The following HNF4G variants were observed in gnomAD, a reference collection of about 807,000 sequenced individuals.
HNF4G encodes the protein hepatocyte nuclear factor 4-gamma.
A neutral mutation model predicts 50.9 loss-of-function variants in HNF4G; 21 were observed. The observed-to-expected ratio is 0.41, with a 90% CI of 0.29 to 0.59. HNF4G has a LOEUF of 0.59. HNF4G is among the 20% of genes least tolerant of loss of function. The pLI is 0.26. For synonymous variants in HNF4G, 198 were observed against 185.6 expected (o/e 1.07, Z -0.54); for missense variants, 527 against 559.4 (o/e 0.94, Z 0.58).
intron 1 of HNF4G, among the ~76,000 whole-genome samples, chr8:75,415,660 A>T (rs1413800192): frequency 6.6e-6 from 1 of 152,180 alleles, no homozygotes; most frequent in South Asian, 2.1e-4. Context: ...AATTTGCTTT[A>T]GTCCTGTGAC....
chr8:75,565,929 T>G lies in HNF4G; in HGVS notation c.*1833T>G, dbSNP rs547030346. 6.6e-6 allele frequency: 1 copy of G among 152,304 alleles called. No homozygotes were observed. Among genetic ancestry groups the G allele is most frequent in the East Asian group, 1.9e-4 (1 of 5,184 alleles). 9.4% of individuals were successfully genotyped at this position (152,304 alleles called of 1,614,324 possible). A position where few individuals can be genotyped will look rare whatever the true frequency, so the allele number is the denominator to read the frequency against. Reference sequence around the variant, plus strand: ...GGGGAGTTTTTTAACTCTTATTTTTTGAAAATTTACTGTAGCTTCTATTTC... The same window carrying G: ...GGGGAGTTTTTTAACTCTTATTTTTGGAAAATTTACTGTAGCTTCTATTTC... On this transcript the variant is annotated 3_prime_UTR_variant, in exon 10 of 10. Transcript: ENST00000396423.
intron 1 of HNF4G, among the ~76,000 whole-genome samples, chr8:75,431,325 T>C (rs1232455254): frequency 6.6e-6 from 1 of 152,142 alleles, no homozygotes; most frequent in African/African-American, 2.4e-5. Flanking sequence ...ACTTTTAGGA[T>C]TGATGAAAGA....
intron 2 of HNF4G, among the ~76,000 whole-genome samples, chr8:75,532,541 C>T (rs1806357533): frequency 6.6e-6 from 1 of 152,046 alleles, no homozygotes; most frequent in Admixed American, 6.6e-5. Context: ...GCTTCCCAAA[C>T]ATTACCTCTT....
chr8:75,429,795 G>C (rs933164867), intron 1 of HNF4G, among the ~76,000 whole-genome samples: 4 of 152,142 alleles, frequency 2.6e-5, no homozygotes, highest in Non-Finnish European at 4.4e-5. Flanking sequence ...AAACCCCATA[G>C]TTATCCTTTC....
chr8:75,563,169 A>G (rs1318036366), intron 9 of HNF4G, among the ~76,000 whole-genome samples: 1 of 152,148 alleles, frequency 6.6e-6, no homozygotes, highest in Non-Finnish European at 1.5e-5. Flanking sequence ...ATGTGGAATA[A>G]TACAATAACA....
intron 1 of HNF4G, among the ~76,000 whole-genome samples, chr8:75,454,859 AG>A (rs1720276815): frequency 6.6e-6 from 1 of 152,212 alleles, no homozygotes; most frequent in African/African-American, 2.4e-5. Flanking sequence ...TGCTGAGAAG[AG>A]TACCTAGCCT....
Position 75,445,752 on chromosome 8 carries a change from G to C in HNF4G, c.-144+37590G>C, listed in dbSNP as rs375940322. Among the ~76,000 whole-genome samples the C allele has an allele frequency of 7.0e-3, 1,014 of 144,578 alleles. 14 individuals are homozygous for C. The highest frequency in any genetic ancestry group is 0.025 in the African/African-American group (951 of 37,378). 94.8% of individuals were successfully genotyped at this position (144,578 alleles called of 152,430 possible). ...CAGGAAGAAGTTGAATCTCTGAATA[G>C]ACCAATAACAGGAGCTGAAATTGTG... On this transcript the variant is annotated intron_variant, in intron 1 of 10. Coordinates refer to the HNF4G transcript ENST00000354370.
chr8:75,454,086 C>T (rs1563513223), intron 1 of HNF4G, among the ~76,000 whole-genome samples: 1 of 148,194 alleles, frequency 6.7e-6, no homozygotes, highest in African/African-American at 2.5e-5. Context: ...TCCCTCCCTC[C>T]CTCCCTCTCT....
chr8:75,518,567 C>T (rs970771558), intron 2 of HNF4G, among the ~76,000 whole-genome samples: 1 of 152,156 alleles, frequency 6.6e-6, no homozygotes, highest in Admixed American at 6.5e-5. Context: ...CAATTCTTGA[C>T]TTCTGTGCAC....
intron 1 of HNF4G, among the ~76,000 whole-genome samples, chr8:75,456,135 A>G (rs887879154): frequency 6.6e-6 from 1 of 152,086 alleles, no homozygotes; most frequent in African/African-American, 2.4e-5. Flanking sequence ...CCAGAGCTTC[A>G]TATATATCCA....
At position 75,495,331 on chromosome 8, in the gene HNF4G, A is replaced by G. The variant is rs1378610904; in HGVS notation, c.-24+5123A>G. 2.6e-5 allele frequency: 4 copies of G among 152,144 alleles called. No individual in the cohort carries two copies. In the East Asian group the frequency reaches 5.8e-4, roughly 22 times the overall value. 9.4% of individuals were successfully genotyped at this position (152,144 alleles called of 1,614,324 possible). A position where few individuals can be genotyped will look rare whatever the true frequency, so the allele number is the denominator to read the frequency against. On this transcript the variant is annotated intron_variant, in intron 2 of 10. Coordinates refer to the HNF4G transcript ENST00000354370. ...GGCATTCACTATTATCACATTTTCT[A>G]TAGATGTTAAGGATGGGAAGTTATT...
upstream of HNF4G, among the ~76,000 whole-genome samples, chr8:75,536,126 G>A (rs1806456498): frequency 1.3e-5 from 2 of 151,834 alleles, no homozygotes; most frequent in South Asian, 2.1e-4. Context: ...ATTTCACTAA[G>A]TAAAAGTAAT....
At chr8:75,419,851 G>A (rs1810737518) in intron 1 of HNF4G, among the ~76,000 whole-genome samples, 1 of 152,210 alleles carries the variant, frequency 6.6e-6, no homozygotes, top group Admixed American at 6.5e-5. Flanking sequence ...AAATGTATCA[G>A]GTCCTAGCTA....
chr8:75,457,254 A>G (rs1487567114), intron 1 of HNF4G, among the ~76,000 whole-genome samples: 1 of 152,166 alleles, frequency 6.6e-6, no homozygotes, highest in Non-Finnish European at 1.5e-5. Context: ...CACACCTCTT[A>G]CATACCACAT....
intron 6 of HNF4G, among the ~76,000 whole-genome samples, chr8:75,556,562 T>A (rs78924581): frequency 0.054 from 8,167 of 152,188 alleles, 286 homozygotes; most frequent in Non-Finnish European, 0.08. Flanking sequence ...TAGACAGGAA[T>A]GCTAGAAGAG....
intron 1 of HNF4G, among the ~76,000 whole-genome samples, chr8:75,461,429 C>G (rs1320020290): frequency 6.6e-6 from 1 of 152,130 alleles, no homozygotes; most frequent in Non-Finnish European, 1.5e-5. Flanking sequence ...CTCTCTTTTT[C>G]ATCCTTTAAG....
At chr8:75,555,201 A>G (rs115248056) in intron 5 of HNF4G, among the ~76,000 whole-genome samples, 63 of 152,328 alleles carry the variant, frequency 4.1e-4, no homozygotes, top group African/African-American at 1.4e-3. Flanking sequence ...TATTTTGAGA[A>G]GCAGCACTAG....
At chr8:75,462,865 AAGAT>A (rs1417304035) in intron 1 of HNF4G, among the ~76,000 whole-genome samples, 4 of 152,116 alleles carry the variant, frequency 2.6e-5, no homozygotes, top group Non-Finnish European at 5.9e-5. Flanking sequence ...GAAAATAACA[AAGAT>A]AGAGAAGGCA....
chr8:75,441,734 T>G (rs2130548413), intron 1 of HNF4G, among the ~76,000 whole-genome samples: 1 of 152,360 alleles, frequency 6.6e-6, no homozygotes, highest in Admixed American at 6.5e-5. Flanking sequence ...CAGTTAAAGT[T>G]TCTAAATGCT....
Sources: gnomAD v4.1 joint callset for allele counts (sites outside exome capture counted in the v4.1 genomes callset) on GRCh38, gnomAD v4.1.1 for gene constraint, MANE v1.5 for transcripts, NCBI Gene and HGNC (gene_info 2026-07-23, HGNC 2026-07-21) for gene names.